WWOX: variants seen among roughly 807,000 people sequenced by gnomAD.
WWOX encodes WW domain containing oxidoreductase.
A neutral mutation model predicts 46.2 loss-of-function variants in WWOX; 69 were observed. The ratio of observed to expected loss-of-function variants is 1.49; its 90% confidence interval spans 1.23 to 1.82. The LOEUF (loss-of-function observed/expected upper bound fraction) is 1.82, where lower values mean the gene tolerates loss of function less well. Among genes scored for constraint, WWOX ranks in the 40% most tolerant of loss-of-function variants. The probability of loss-of-function intolerance (pLI) is 0.00; values close to 1 mark genes in which losing one functional copy is unlikely to be tolerated. For synonymous variants in WWOX, 359 were observed against 202.6 expected (o/e 1.77, Z -6.56); for missense variants, 919 against 542.6 (o/e 1.69, Z -6.89).
intron 8 of WWOX, among the ~76,000 whole-genome samples, chr16:78,974,884 T>C (rs8060634): frequency 6.6e-6 from 1 of 152,030 alleles, no homozygotes; most frequent in South Asian, 2.1e-4. Context: ...CGGGGAGACC[T>C]TGAAATGCTC....
intron 4 of WWOX, among the ~76,000 whole-genome samples, chr16:78,126,479 T>C (rs2033366604): frequency 6.6e-6 from 1 of 152,222 alleles, no homozygotes; most frequent in Non-Finnish European, 1.5e-5. Flanking sequence ...GGGCCATTTG[T>C]TTTTTAACGA....
Position 78,479,406 on chromosome 16 carries a change from T to C in WWOX, c.1056+46654T>C, listed in dbSNP as rs75330284. ...AGGTTGGGTTTAGAGAATGCTTTCA[T>C]TGTAATGTTTTAAAGCTTTTTATTT... On this transcript the variant is annotated intron_variant, in intron 8 of 8. Coordinates refer to ENST00000566780, the MANE Select transcript of WWOX (RefSeq NM_016373.4). Among the ~76,000 whole-genome samples the C allele has an allele frequency of 3.9e-3, 589 of 152,352 alleles. 2 individuals carry two copies. Among genetic ancestry groups the C allele is most frequent in the African/African-American group, 0.013 (549 of 41,582 alleles).
intron 4 of WWOX, chr16:78,119,086 C>T (rs2032961446): frequency 1.3e-5 from 2 of 152,190 alleles, no homozygotes; most frequent in South Asian, 4.1e-4. Context: ...ATCAAGAGGC[C>T]CGGAACCCCG....
chr16:78,386,346 G>A (rs2151933670), intron 5 of WWOX, among the ~76,000 whole-genome samples: 1 of 152,228 alleles, frequency 6.6e-6, no homozygotes, highest in African/African-American at 2.4e-5. Flanking sequence ...TTGGGATCGA[G>A]GTCCGTCAGA....
chr16:78,436,640 G>C (rs192178771), intron 8 of WWOX, among the ~76,000 whole-genome samples: 2 of 152,294 alleles, frequency 1.3e-5, no homozygotes, highest in East Asian at 1.9e-4. Context: ...ACTTCATGCA[G>C]AGGTGGAATT....
intron 8 of WWOX, among the ~76,000 whole-genome samples, chr16:78,880,612 C>T (rs1597099186): frequency 6.6e-6 from 1 of 152,154 alleles, no homozygotes; most frequent in South Asian, 2.1e-4. Context: ...AGCCAAAATG[C>T]CCATCTTCAT....
At chr16:78,519,858 T>C (rs1597204347) in intron 8 of WWOX, among the ~76,000 whole-genome samples, 1 of 152,194 alleles carries the variant, frequency 6.6e-6, no homozygotes, top group African/African-American at 2.4e-5. Flanking sequence ...AGAAATAAAT[T>C]TGTTACTCAT....
chr16:78,367,999 T>G (rs947767024), intron 5 of WWOX, among the ~76,000 whole-genome samples: 1 of 152,040 alleles, frequency 6.6e-6, no homozygotes, highest in Non-Finnish European at 1.5e-5. Flanking sequence ...TTAGGTGATC[T>G]GCCTGCCTCA....
intron 8 of WWOX, among the ~76,000 whole-genome samples, chr16:79,096,720 G>T (rs1346758777): frequency 1.3e-5 from 2 of 152,120 alleles, no homozygotes; most frequent in African/African-American, 4.8e-5. Flanking sequence ...GAGAATGCTG[G>T]CTCCAACAGG....
chr16:78,524,609 C>G (rs1392628562), intron 8 of WWOX, among the ~76,000 whole-genome samples: 1 of 151,512 alleles, frequency 6.6e-6, no homozygotes, highest in Non-Finnish European at 1.5e-5. Context: ...TTAGTAAAGA[C>G]GGGGTTTCAC....
At chr16:78,281,816 T>C (rs1181222465) in intron 5 of WWOX, among the ~76,000 whole-genome samples, 3 of 152,234 alleles carry the variant, frequency 2.0e-5, no homozygotes, top group South Asian at 2.1e-4. Flanking sequence ...GGTTATAGTT[T>C]GCCAACCCCT....
At chr16:79,165,013 A>G (rs952658349) in intron 8 of WWOX, among the ~76,000 whole-genome samples, 4 of 152,174 alleles carry the variant, frequency 2.6e-5, no homozygotes, top group Admixed American at 1.3e-4. Context: ...ACCCTTATGT[A>G]TAGACTTTTA....
At chr16:78,150,940 C>T (rs776127031) in intron 4 of WWOX, among the ~76,000 whole-genome samples, 12 of 152,144 alleles carry the variant, frequency 7.9e-5, no homozygotes, top group Non-Finnish European at 1.6e-4. Context: ...TGTAGTGGTG[C>T]AGTCATAGCT....
chr16:79,117,308 C>G (rs971383847), intron 8 of WWOX, among the ~76,000 whole-genome samples: 2 of 152,126 alleles, frequency 1.3e-5, no homozygotes, highest in Non-Finnish European at 2.9e-5. Context: ...CACACTGGAC[C>G]AAGCAGAATA....
chr16:78,540,066 T>C (rs1877286), intron 8 of WWOX, among the ~76,000 whole-genome samples: 143,896 of 151,202 alleles, frequency 0.95, 68,829 homozygotes, highest in East Asian at 1. Flanking sequence ...CAGACACCAA[T>C]ATAAACTGTA....
chr16:78,864,011 G>A (rs2043948999), intron 8 of WWOX, among the ~76,000 whole-genome samples: 1 of 152,124 alleles, frequency 6.6e-6, no homozygotes, highest in Non-Finnish European at 1.5e-5. Context: ...ATGGGCATTT[G>A]TGTTGTTTTT....
chr16:78,884,273 C>CAAAA (rs71384384), intron 8 of WWOX, among the ~76,000 whole-genome samples: 3 of 46,584 alleles, frequency 6.4e-5, no homozygotes, highest in Non-Finnish European at 8.8e-5. Flanking sequence ...ACCCTGTCTC[C>CAAAA]AAAAAAAAAA....
intron 8 of WWOX, among the ~76,000 whole-genome samples, chr16:79,177,150 T>G (rs2150779384): frequency 6.6e-6 from 1 of 152,282 alleles, no homozygotes; most frequent in Non-Finnish European, 1.5e-5. Flanking sequence ...CTTCGCTGCC[T>G]CCGGTTCCCC....
chr16:78,601,547 G>T (rs78194465), intron 8 of WWOX, among the ~76,000 whole-genome samples: 2,424 of 152,180 alleles, frequency 0.016, 51 homozygotes, highest in East Asian at 0.069. Context: ...AAATTGTAAG[G>T]TCTTTTTATA....
Sources: gnomAD v4.1 joint callset for allele counts (sites outside exome capture counted in the v4.1 genomes callset) on GRCh38, gnomAD v4.1.1 for gene constraint, MANE v1.5 for transcripts, NCBI Gene and HGNC (gene_info 2026-07-23, HGNC 2026-07-21) for gene names.